Variants in ELAVL4 observed in about 807,000 individuals in gnomAD.
The protein encoded by ELAVL4 is ELAV like RNA binding protein 4.
Under a neutral mutation model 35.6 loss-of-function variants are expected in ELAVL4, and 1 was observed. The ratio of observed to expected loss-of-function variants is 0.03; its 90% CI spans 0.01 to 0.13. The LOEUF (loss-of-function observed/expected upper bound fraction) is 0.13, where lower values mean the gene tolerates loss of function less well. Ranked by LOEUF, ELAVL4 falls within the 10% of genes least tolerant of loss-of-function variation. The probability of loss-of-function intolerance (pLI) is 1.00; values close to 1 mark genes in which losing one functional copy is unlikely to be tolerated. For missense variants in ELAVL4, 267 were observed against 464.9 expected (o/e 0.57, Z 3.91); for synonymous variants, 156 against 171.0 (o/e 0.91, Z 0.69).
chr1:50,184,398 C>CAAAAAA (rs33990892), intron 3 of ELAVL4, among the ~76,000 whole-genome samples: 1 of 141,926 alleles, frequency 7.0e-6, no homozygotes. Context: ...TGAGCTGCTT[C>CAAAAAA]AAAAAAAAAA....
chr1:50,173,629 A>T (rs1352701912), intron 2 of ELAVL4, among the ~76,000 whole-genome samples: 2 of 152,152 alleles, frequency 1.3e-5, no homozygotes, highest in Non-Finnish European at 2.9e-5. Flanking sequence ...GGCAGTCTTA[A>T]TTTCATATCT....
chr1:50,181,768 C>T (rs1205272083), intron 3 of ELAVL4, among the ~76,000 whole-genome samples: 1 of 152,186 alleles, frequency 6.6e-6, no homozygotes, highest in Admixed American at 6.5e-5. Flanking sequence ...ACAGCAACCT[C>T]TGCCTCCTGG....
At position 50,130,063 on chromosome 1, in the gene ELAVL4, C is replaced by T. The variant is rs140260049; in HGVS notation, c.10-14894C>T. 2.1e-3 allele frequency among the ~76,000 whole-genome samples: 316 copies of T among 152,258 alleles called. 1 individual carries two copies. The highest frequency in any genetic ancestry group is 7.3e-3 in the African/African-American group (305 of 41,556). On this transcript the variant is annotated intron_variant, in intron 1 of 6. Coordinates refer to ENST00000371824, the MANE Select transcript of ELAVL4 (RefSeq NM_001144774.3). ...TGGATTTCCAACCCAAGTCGGATCACCTCCAAATCTCATGCTTTTTCCATT... is the reference window on the plus strand; with the variant it reads ...TGGATTTCCAACCCAAGTCGGATCATCTCCAAATCTCATGCTTTTTCCATT...
chr1:50,168,206 C>A (rs1164419138), intron 2 of ELAVL4, among the ~76,000 whole-genome samples: 1 of 152,156 alleles, frequency 6.6e-6, no homozygotes, highest in Non-Finnish European at 1.5e-5. Context: ...CCCCATGAGG[C>A]CATTGGCGCA....
intron 1 of ELAVL4, among the ~76,000 whole-genome samples, chr1:50,075,177 G>A (rs1664705070): frequency 6.6e-6 from 1 of 152,108 alleles, no homozygotes; most frequent in African/African-American, 2.4e-5. Context: ...TGTTTAAGAC[G>A]ATGTAAGGCC....
intron 1 of ELAVL4, among the ~76,000 whole-genome samples, chr1:50,127,076 C>A (rs1458582950): frequency 6.6e-6 from 1 of 152,034 alleles, no homozygotes; most frequent in Non-Finnish European, 1.5e-5. Context: ...TAAAGAGTCA[C>A]CCATTCCTCT....
chr1:50,106,650 C>T (rs1666338618), upstream of ELAVL4, among the ~76,000 whole-genome samples: 1 of 152,076 alleles, frequency 6.6e-6, no homozygotes, highest in African/African-American at 2.4e-5. Context: ...ATTGGAAATG[C>T]GATAATAAGG....
intron 1 of ELAVL4, among the ~76,000 whole-genome samples, chr1:50,094,847 C>G (rs536718978): frequency 1.3e-5 from 2 of 152,126 alleles, no homozygotes; most frequent in African/African-American, 4.8e-5. Context: ...AGATAATCTC[C>G]TGAACCCGGG....
chr1:50,150,621 A>G (rs1674616416), intron 2 of ELAVL4, among the ~76,000 whole-genome samples: 1 of 152,142 alleles, frequency 6.6e-6, no homozygotes, highest in South Asian at 2.1e-4. Flanking sequence ...TGAAGAGGAG[A>G]GGGGAGTGAG....
chr1:50,145,295 A>G, intron 2 of ELAVL4, 98 bp downstream of exon 2: 1 of 1,545,492 alleles, frequency 6.5e-7, no homozygotes, highest in South Asian at 1.2e-5. Context: ...TATATCATGT[A>G]CCCTGCATGC....
intron 1 of ELAVL4, among the ~76,000 whole-genome samples, chr1:50,124,594 A>G (rs1239389409): frequency 6.6e-6 from 1 of 152,102 alleles, no homozygotes; most frequent in African/African-American, 2.4e-5. Flanking sequence ...AAAGGTAGGA[A>G]TTAATGAGAA....
chr1:50,063,886 C>T (rs541317629), intron 1 of ELAVL4, among the ~76,000 whole-genome samples: 1 of 152,276 alleles, frequency 6.6e-6, no homozygotes, highest in African/African-American at 2.4e-5. Flanking sequence ...CCTCTTTCCT[C>T]ATGTATGGTC....
At chr1:50,176,554 C>T (rs1480759919) in intron 2 of ELAVL4, among the ~76,000 whole-genome samples, 1 of 152,212 alleles carries the variant, frequency 6.6e-6, no homozygotes, top group Non-Finnish European at 1.5e-5. Context: ...TGAGCACCTA[C>T]TCCAATCTAG....
intron 2 of ELAVL4, among the ~76,000 whole-genome samples, 185 bp downstream of exon 2, chr1:50,145,382 G>A (rs923200473): frequency 9.2e-5 from 14 of 152,120 alleles, no homozygotes; most frequent in Admixed American, 4.6e-4. Context: ...GGTACTGCTG[G>A]GGAGCAGATG....
At chr1:50,137,310 G>C (rs901738418) in intron 1 of ELAVL4, among the ~76,000 whole-genome samples, 2 of 152,118 alleles carry the variant, frequency 1.3e-5, no homozygotes, top group African/African-American at 4.8e-5. Flanking sequence ...TGAGGAGGGG[G>C]ATCAATCCTG....
chr1:50,081,494 T>A (rs4926548), intron 1 of ELAVL4, among the ~76,000 whole-genome samples: 14,302 of 152,270 alleles, frequency 0.094, 913 homozygotes, highest in African/African-American at 0.17. Flanking sequence ...AAATGCTGAT[T>A]TCTGAGCCAT....
At chr1:50,148,169 A>T (rs1674086470) in intron 2 of ELAVL4, among the ~76,000 whole-genome samples, 1 of 152,114 alleles carries the variant, frequency 6.6e-6, no homozygotes, top group Non-Finnish European at 1.5e-5. Context: ...AAGCTTGGTG[A>T]TTTCCCCAGG....
intron 3 of ELAVL4, among the ~76,000 whole-genome samples, chr1:50,189,624 G>T (rs1392252168): frequency 6.6e-6 from 1 of 152,110 alleles, no homozygotes; most frequent in Non-Finnish European, 1.5e-5. Context: ...TTTGTTTTTT[G>T]GGGGTTTTTT....
In ELAVL4 at chr1:50,168,295, G is replaced by T. The variant is rs538359417; in HGVS notation, c.251-8794G>T. On this transcript the variant is annotated intron_variant, in intron 2 of 6. Coordinates refer to ENST00000371824, the MANE Select transcript of ELAVL4 (RefSeq NM_001144774.3). ...GCAGGAGTGTCCCCAGCTTCATTAG[G>T]ATCCTCCCACACATCCCCATTCCAA... is the stretch of plus-strand genomic sequence containing the variant. 5.6e-4 allele frequency among the ~76,000 whole-genome samples: 86 copies of T among 152,220 alleles called. 1 individual carries two copies. The highest frequency in any genetic ancestry group is 1.9e-3 in the African/African-American group (79 of 41,544).
Sources: gnomAD v4.1 joint callset for allele counts (sites outside exome capture counted in the v4.1 genomes callset) on GRCh38, gnomAD v4.1.1 for gene constraint, MANE v1.5 for transcripts, NCBI Gene and HGNC (gene_info 2026-07-23, HGNC 2026-07-21) for gene names.